USP28: variants seen among roughly 807,000 people sequenced by gnomAD.
USP28 encodes the protein ubiquitin specific peptidase 28.
A neutral mutation model predicts 145.0 loss-of-function variants in USP28; 113 were observed. The observed-to-expected ratio is 0.78, with a 90% CI of 0.67 to 0.91. The LOEUF is 0.91. Among genes scored for constraint, USP28 ranks in the 40% least tolerant of loss-of-function variants. The pLI is 0.00. For missense variants in USP28, 1,201 were observed against 1,289.6 expected, an observed-to-expected ratio of 0.93 and a Z score of 1.05; for synonymous variants, 447 against 450.9, an observed-to-expected ratio of 0.99 and a Z score of 0.11.
At chr11:113,803,932 CT>C in intron 21 of USP28, 55 bp from the exon 23 acceptor site, 1 of 1,483,244 alleles carries the variant, frequency 6.7e-7, no homozygotes, top group Non-Finnish European at 9.3e-7. Context: ...TGTTAGTGTC[CT>C]TCCCATCTAA....
intron 1 of USP28, among the ~76,000 whole-genome samples, chr11:113,855,572 C>T (rs1016190880): frequency 1.3e-5 from 2 of 152,178 alleles, no homozygotes; most frequent in Non-Finnish European, 2.9e-5. Flanking sequence ...GGGCCCAATG[C>T]AACACTAAAG....
intron 5 of USP28, among the ~76,000 whole-genome samples, chr11:113,835,935 C>A (rs1485733815): frequency 6.6e-6 from 1 of 152,102 alleles, no homozygotes; most frequent in Admixed American, 6.5e-5. Context: ...ACAAAATTAG[C>A]CGGGCATGGT....
At chr11:113,838,386 C>T (rs1361463487) in intron 5 of USP28, among the ~76,000 whole-genome samples, 4 of 152,218 alleles carry the variant, frequency 2.6e-5, no homozygotes, top group Admixed American at 2.0e-4. Flanking sequence ...TCCAAACCTT[C>T]CAATACATTC....
chr11:113,862,162 C>T (rs1565497481), intron 1 of USP28, among the ~76,000 whole-genome samples: 2 of 152,046 alleles, frequency 1.3e-5, no homozygotes, highest in Non-Finnish European at 2.9e-5. Context: ...GCCTGGCCAA[C>T]ACGGTGAAAC....
At chr11:113,814,055 G>A (rs1389754626) in intron 14 of USP28, 100 bp from the exon 15 acceptor site, 7 of 837,554 alleles carry the variant, frequency 8.4e-6, no homozygotes, top group Non-Finnish European at 1.3e-5. Context: ...GGGTCCTAAT[G>A]ATTTCAGCTT....
chr11:113,865,161 G>A (rs1261315197), intron 1 of USP28, among the ~76,000 whole-genome samples: 1 of 152,130 alleles, frequency 6.6e-6, no homozygotes, highest in Non-Finnish European at 1.5e-5. Flanking sequence ...TACTGTGAAG[G>A]TGGCAATACT....
intron 12 of USP28, chr11:113,818,177 A>C (rs556132552): frequency 6.9e-6 from 1 of 144,676 alleles, no homozygotes; most frequent in Non-Finnish European, 1.6e-5. Flanking sequence ...TTTGAGACAG[A>C]GTCTCCCTCT....
chr11:113,844,513 T>G (rs1414300385), intron 3 of USP28, among the ~76,000 whole-genome samples: 5 of 95,502 alleles, frequency 5.2e-5, no homozygotes, highest in Non-Finnish European at 1.1e-4. Flanking sequence ...ATGCATCTGA[T>G]AAGAGATCTA....
chr11:113,831,954 G>C, exon 8 of USP28: 1 of 1,613,918 alleles, frequency 6.2e-7, no homozygotes, highest in Non-Finnish European at 8.5e-7. Flanking sequence ...GCGTCCTCTA[G>C]CCAATCCAGG....
intron 10 of USP28, among the ~76,000 whole-genome samples, chr11:113,827,611 C>T (rs1231597721): frequency 2.0e-5 from 3 of 152,202 alleles, no homozygotes; most frequent in African/African-American, 7.2e-5. Flanking sequence ...CAGAATTTTA[C>T]TCAACCATCA....
chr11:113,874,760 C>T (rs1284423132), intron 1 of USP28: 1 of 1,159,460 alleles, frequency 8.6e-7, no homozygotes, highest in Non-Finnish European at 1.1e-6. Flanking sequence ...CTTTCACTCT[C>T]ACCAGATTCT....
chr11:113,838,493 C>G (rs1944834666), intron 5 of USP28, among the ~76,000 whole-genome samples: 1 of 152,194 alleles, frequency 6.6e-6, no homozygotes, highest in Admixed American at 6.5e-5. Context: ...AGTTCTGGAT[C>G]ACTCCGTCTT....
At chr11:113,816,677 T>A (rs1941791076) in intron 13 of USP28, among the ~76,000 whole-genome samples, 1 of 152,212 alleles carries the variant, frequency 6.6e-6, no homozygotes, top group Admixed American at 6.5e-5. Flanking sequence ...ATTACACACA[T>A]ACACCTCCCT....
intron 13 of USP28, among the ~76,000 whole-genome samples, chr11:113,817,127 C>T (rs942902112): frequency 6.6e-6 from 1 of 152,180 alleles, no homozygotes; most frequent in Non-Finnish European, 1.5e-5. Flanking sequence ...GATTGTTGCA[C>T]ATGACTGGAT....
intron 12 of USP28, among the ~76,000 whole-genome samples, chr11:113,819,881 G>C (rs573345682): frequency 3.9e-5 from 6 of 152,056 alleles, no homozygotes; most frequent in South Asian, 2.1e-4. Context: ...CACCACGCTC[G>C]GCTAATTCTG....
At chr11:113,841,709 G>T in exon 4 of USP28, 1 of 1,613,610 alleles carries the variant, frequency 6.2e-7, no homozygotes, top group South Asian at 1.1e-5. Context: ...GACTCCAGTA[G>T]ACTCAAAGCA....
At chr11:113,867,627 C>T (rs909643097) in intron 1 of USP28, among the ~76,000 whole-genome samples, 2 of 151,930 alleles carry the variant, frequency 1.3e-5, no homozygotes, top group African/African-American at 4.8e-5. Context: ...CTGCAGCAGG[C>T]TGAGGCAGAA....
At chr11:113,819,674 T>G (rs1356604840) in intron 12 of USP28, among the ~76,000 whole-genome samples, 4 of 152,210 alleles carry the variant, frequency 2.6e-5, no homozygotes, top group African/African-American at 9.7e-5. Context: ...AAGGGAATAA[T>G]TAGAATTTTT....
rs1939457610 is a variant in USP28, at chr11:113,803,744, T to A, written c.2738+54A>T. The A allele has an allele frequency of 2.7e-6, 4 of 1,464,700 alleles. No individual in the cohort carries two copies. The East Asian group carries it at 9.1e-5, about 33-fold the overall frequency. 90.7% of individuals were successfully genotyped at this position (1,464,700 alleles called of 1,614,324 possible). A position where few individuals can be genotyped will look rare whatever the true frequency, so the allele number is the denominator to read the frequency against. ...CTCTTAGTATTCCCAGGTAGGCATC[T>A]ACAGAGAACAGCATCCTGACTAATA... On this transcript the variant is annotated intron_variant, in intron 22 of 24. Coordinates refer to ENST00000003302, the Ensembl canonical transcript of USP28.
Sources: allele counts gnomAD v4.1 joint callset (sites outside exome capture counted in the v4.1 genomes callset), GRCh38; gene constraint gnomAD v4.1.1; transcripts MANE v1.5; gene names NCBI Gene and HGNC (gene_info 2026-07-23, HGNC 2026-07-21).